GFPT2: variants seen among roughly 807,000 people sequenced by gnomAD.
GFPT2 encodes the protein glutamine--fructose-6-phosphate transaminase 2.
In GFPT2, 62 loss-of-function variants were observed where a neutral mutation model predicts 85.6. That is an observed-to-expected ratio of 0.72 (90% CI 0.59 to 0.90). The LOEUF is 0.90. GFPT2 is among the 40% of genes least tolerant of loss of function. The pLI, the probability that GFPT2 is intolerant of heterozygous loss-of-function variation, is 0.00. For synonymous variants in GFPT2, 368 were observed against 344.5 expected, an observed-to-expected ratio of 1.07 and a Z score of -0.75; for missense variants, 788 against 893.4, an observed-to-expected ratio of 0.88 and a Z score of 1.50.
At chr5:180,306,215 C>T (rs1258744569) in intron 16 of GFPT2, among the ~76,000 whole-genome samples, 1 of 152,102 alleles carries the variant, frequency 6.6e-6, no homozygotes, top group Non-Finnish European at 1.5e-5. Flanking sequence ...GAACTCCTGA[C>T]CTCAAATGAT....
chr5:180,311,083 AATT>A (rs1167335877), intron 15 of GFPT2, among the ~76,000 whole-genome samples: 3 of 152,120 alleles, frequency 2.0e-5, no homozygotes, highest in Non-Finnish European at 4.4e-5. Flanking sequence ...GAGGGCCTGG[AATT>A]GACCATTCTC....
At position 180,342,345 on chromosome 5, in the gene GFPT2, C is replaced by T. The variant is rs74189688; in HGVS notation, c.8-3745G>A. Among the ~76,000 whole-genome samples the T allele has an allele frequency of 0.012, 1,884 of 151,302 alleles. 68 individuals are homozygous for T. In the East Asian group the frequency reaches 0.14, roughly 11 times the overall value. On this transcript the variant is annotated intron_variant, in intron 1 of 18. Transcript: ENST00000253778. ...GTAGCAGCCTGCCATCTAAAGCATGCGATTCAGTGGTTTAGTATATTCAGA... is the reference window on the plus strand; with the variant it reads ...GTAGCAGCCTGCCATCTAAAGCATGTGATTCAGTGGTTTAGTATATTCAGA...
intron 15 of GFPT2, among the ~76,000 whole-genome samples, chr5:180,311,085 T>C (rs116443081): frequency 0.012 from 1,801 of 152,272 alleles, 32 homozygotes; most frequent in African/African-American, 0.041. Context: ...GGGCCTGGAA[T>C]TGACCATTCT....
At position 180,318,703 on chromosome 5, in the gene GFPT2, G is replaced by A. The variant is rs1764059724; in HGVS notation, c.958+90C>T. 2 of 1,121,168 alleles carry A rather than the reference G, an allele frequency of 1.8e-6. No individual in the cohort carries two copies. Among genetic ancestry groups the A allele is most frequent in the Admixed American group, 4.0e-5 (2 of 50,584 alleles). 69.5% of individuals were successfully genotyped at this position (1,121,168 alleles called of 1,614,324 possible). ...GGCCACAGAGGGCAGGAGGGCTGTG[G>A]CCTCTACTAGGACCAGGCAGAGTGT... On this transcript the variant is annotated intron_variant, in intron 10 of 18. Coordinates refer to ENST00000253778, the MANE Select transcript of GFPT2 (RefSeq NM_005110.4). The surrounding 1 kb of genome is among the most constrained non-coding windows in gnomAD (Gnocchi z 4.2).
chr5:180,337,313 T>C (rs970175183), intron 2 of GFPT2, among the ~76,000 whole-genome samples: 19 of 151,320 alleles, frequency 1.3e-4, no homozygotes, highest in South Asian at 2.1e-4. Flanking sequence ...ATTAGCAGGG[T>C]GTGGTGGTGG....
chr5:180,350,312 A>T (rs759886335), intron 1 of GFPT2, among the ~76,000 whole-genome samples: 1 of 152,224 alleles, frequency 6.6e-6, no homozygotes, highest in Non-Finnish European at 1.5e-5. Flanking sequence ...CCACCTACTT[A>T]TGTGAAATCT....
At chr5:180,306,450 G>A (rs1301785531) in intron 16 of GFPT2, among the ~76,000 whole-genome samples, 1 of 152,242 alleles carries the variant, frequency 6.6e-6, no homozygotes, top group Non-Finnish European at 1.5e-5. Flanking sequence ...TGCTGACAGC[G>A]AGGAAAGGGC....
At chr5:180,352,258 A>G in intron 1 of GFPT2, 1 of 372,084 alleles carries the variant, frequency 2.7e-6, no homozygotes, top group South Asian at 2.0e-5. Context: ...AAAGTCAGAG[A>G]GAGGCCTTTC....
intron 1 of GFPT2, among the ~76,000 whole-genome samples, chr5:180,340,064 G>A (rs1335459328): frequency 6.6e-6 from 1 of 152,218 alleles, no homozygotes; most frequent in Admixed American, 6.5e-5. Flanking sequence ...CAGTTCTGGA[G>A]GCCGAGAAGT....
chr5:180,332,390 G>A (rs965844421), intron 4 of GFPT2, among the ~76,000 whole-genome samples: 3 of 152,160 alleles, frequency 2.0e-5, no homozygotes, highest in Admixed American at 6.5e-5. Flanking sequence ...AAGTAGCTCC[G>A]TTTCCCTCTC....
rs1432423966 is a variant in GFPT2, at chr5:180,302,561, G to A, written c.1866C>T (p.Ser622=). The A allele has an allele frequency of 6.2e-7, 1 of 1,613,880 alleles. No individual in the cohort carries two copies. ...ARQGRPIILC[S]KDDTESSKFA... ...ACTTGGAACTTTCAGTATCGTCCTT[G>A]GAGCACAGTATAATGGGGCGACCCT... Residue 622 remains serine, a synonymous_variant, in exon 18 of 19, where the codon TCC becomes TCT. Coordinates refer to ENST00000253778, the MANE Select transcript of GFPT2 (RefSeq NM_005110.4).
At chr5:180,342,405 A>AAGTT (rs1764534093) in intron 1 of GFPT2, among the ~76,000 whole-genome samples, 1 of 121,396 alleles carries the variant, frequency 8.2e-6, no homozygotes. Flanking sequence ...TTTAGGTGAA[A>AAGTT]TGTTTTTTTT....
rs188647647 is a variant in GFPT2 at position 180,350,389 on chromosome 5, G to A, written c.7+2822C>T. ...AACCCTGTGCACCAAACAAAAAGAT[G>A]TCTGTCTTCCCTGTTCGGCCAGTAC... On this transcript the variant is annotated intron_variant, in intron 1 of 18. Transcript: ENST00000253778. Among the ~76,000 whole-genome samples the A allele has an allele frequency of 1.4e-4, 21 of 152,336 alleles. No individual in the cohort carries two copies. In the East Asian group the frequency reaches 2.9e-3, roughly 21 times the overall value.
At chr5:180,351,666 G>A (rs1297523637) in intron 1 of GFPT2, among the ~76,000 whole-genome samples, 2 of 152,228 alleles carry the variant, frequency 1.3e-5, no homozygotes, top group African/African-American at 2.4e-5. Flanking sequence ...GACAACGCGT[G>A]TGTGTCCCTT....
chr5:180,350,542 GA>G (rs1764693466), intron 1 of GFPT2, among the ~76,000 whole-genome samples: 1 of 152,190 alleles, frequency 6.6e-6, no homozygotes, highest in Non-Finnish European at 1.5e-5. Flanking sequence ...TCTTTGAGGG[GA>G]GGACCACACC....
At chr5:180,305,675 T>C (rs1029571938) in intron 16 of GFPT2, among the ~76,000 whole-genome samples, 1 of 152,198 alleles carries the variant, frequency 6.6e-6, no homozygotes, top group Non-Finnish European at 1.5e-5. Flanking sequence ...TTCAGCAGAC[T>C]CATGCGGAGG....
rs1763951136 is a variant in GFPT2 at position 180,313,905 on chromosome 5, C to A, written c.1333G>T (p.Val445Leu). 1 of 1,606,470 alleles carries A rather than the reference C, an allele frequency of 6.2e-7. No individual in the cohort carries two copies. The highest frequency in any genetic ancestry group is 8.5e-7 in the Non-Finnish European group (1 of 1,179,482). The change falls in exon 14 of 19, where the codon GTG (valine) becomes TTG (leucine). Residue 445 changes from valine (V) to leucine (L), a missense_variant. By Grantham distance (32) the Val-to-Leu change is conservative (BLOSUM62 1). Transcript: ENST00000253778. ...CTGCCCACGGTGTTGGTGACGCCCA[C>A]GGTGAGAGCGCCGCGGTCCTTACAG... ...RYCKDRGALT[V>L]GVTNTVGSSI...
At position 180,313,552 on chromosome 5, in the gene GFPT2, T is replaced by C. The variant is rs184540413; in HGVS notation, c.1431+255A>G. 2.1e-3 allele frequency among the ~76,000 whole-genome samples: 310 copies of C among 151,084 alleles called. 1 individual carries two copies. Among genetic ancestry groups the C allele is most frequent in the Non-Finnish European group, 2.2e-3 (148 of 67,802 alleles). On this transcript the variant is annotated intron_variant, in intron 14 of 18. Transcript: ENST00000253778. ...TTGCAGTGAGCCGAGATCGCGCCCCTGCACTCCAGCCTGGGCGACAGAGTG... is the reference window on the plus strand; with the variant it reads ...TTGCAGTGAGCCGAGATCGCGCCCCCGCACTCCAGCCTGGGCGACAGAGTG...
intron 2 of GFPT2, among the ~76,000 whole-genome samples, chr5:180,338,291 G>A (rs528426968): frequency 1.3e-5 from 2 of 152,170 alleles, no homozygotes; most frequent in East Asian, 3.9e-4. Context: ...GGGGTTTTCT[G>A]GGGTTTTTTA....
Sources: gnomAD v4.1 joint callset for allele counts (sites outside exome capture counted in the v4.1 genomes callset) on GRCh38, gnomAD v4.1.1 for gene constraint, Gnocchi (gnomAD v3.1) non-coding constraint, MANE v1.5 for transcripts, NCBI Gene and HGNC (gene_info 2026-07-23, HGNC 2026-07-21) for gene names.